The following SH3RF3 variants were observed in gnomAD, a reference collection of about 807,000 sequenced individuals.
SH3RF3 encodes the protein SH3 domain containing ring finger 3.
In SH3RF3, 29 loss-of-function variants were observed where a neutral mutation model predicts 66.3. The observed-to-expected ratio is 0.44, with a 90% CI of 0.33 to 0.60. The LOEUF is 0.60. SH3RF3 is among the 20% of genes least tolerant of loss of function. SH3RF3 has a pLI of 0.04. For missense variants in SH3RF3, 1,194 were observed against 1,190.9 expected (o/e 1.00, Z -0.04); for synonymous variants, 583 against 532.0 (o/e 1.10, Z -1.32).
At chr2:109,490,476 T>C in intron 8 of SH3RF3, 129 bp from the exon 9 acceptor site, 1 of 824,942 alleles carries the variant, frequency 1.2e-6, no homozygotes, top group Non-Finnish European at 1.7e-6. Flanking sequence ...AGTGGTAAAG[T>C]CTTTTGTCTG....
At chr2:109,240,823 C>T (rs115104135) in intron 1 of SH3RF3, among the ~76,000 whole-genome samples, 1,691 of 152,018 alleles carry the variant, frequency 0.011, 14 homozygotes, top group South Asian at 0.023. Context: ...GTTACTTCTT[C>T]CTACTGGACT....
chr2:109,306,172 C>A (rs1681592634), intron 1 of SH3RF3, among the ~76,000 whole-genome samples: 1 of 152,198 alleles, frequency 6.6e-6, no homozygotes, highest in Admixed American at 6.5e-5. Flanking sequence ...TAGAGAAAAT[C>A]CACTAAAATG....
chr2:109,146,052 G>A (rs1677088883), intron 1 of SH3RF3, among the ~76,000 whole-genome samples: 1 of 132,738 alleles, frequency 7.5e-6, no homozygotes, highest in African/African-American at 4.2e-5. Context: ...GCGGGCCGAG[G>A]GAGTCCATGC....
At chr2:109,266,843 C>A (rs1680508451) in intron 1 of SH3RF3, among the ~76,000 whole-genome samples, 1 of 152,128 alleles carries the variant, frequency 6.6e-6, no homozygotes. Context: ...AATCACCCTC[C>A]AAATATTCAG....
chr2:109,425,276 A>C (rs1422904875), intron 5 of SH3RF3, among the ~76,000 whole-genome samples: 1 of 152,236 alleles, frequency 6.6e-6, no homozygotes. Context: ...CTGCAACATA[A>C]AAGTACAAGG....
chr2:109,429,560 A>C (rs1320510877), intron 5 of SH3RF3, among the ~76,000 whole-genome samples: 1 of 152,094 alleles, frequency 6.6e-6, no homozygotes, highest in Non-Finnish European at 1.5e-5. Flanking sequence ...GTGAGGAGCC[A>C]ACATACCCCA....
At chr2:109,296,488 C>T (rs185157455) in intron 1 of SH3RF3, among the ~76,000 whole-genome samples, 156 of 152,168 alleles carry the variant, frequency 1.0e-3, no homozygotes, top group Non-Finnish European at 2.0e-3. Context: ...GTGATCCACC[C>T]GCTTCAGCCT....
intron 1 of SH3RF3, among the ~76,000 whole-genome samples, chr2:109,148,100 C>T (rs907630915): frequency 3.9e-5 from 6 of 152,218 alleles, no homozygotes; most frequent in African/African-American, 7.2e-5. Flanking sequence ...GGCTGCCAGC[C>T]GGGTCCTACA....
At chr2:109,306,347 C>T (rs1359777499) in intron 1 of SH3RF3, among the ~76,000 whole-genome samples, 1 of 152,220 alleles carries the variant, frequency 6.6e-6, no homozygotes. Context: ...TGCCTCCAAC[C>T]CCTGCGCATA....
At chr2:109,297,755 C>T (rs1346597872) in intron 1 of SH3RF3, among the ~76,000 whole-genome samples, 1 of 151,132 alleles carries the variant, frequency 6.6e-6, no homozygotes, top group African/African-American at 2.4e-5. Flanking sequence ...GTCCCTTATC[C>T]AGTCAGTGCC....
intron 7 of SH3RF3, among the ~76,000 whole-genome samples, chr2:109,439,547 A>C (rs1197281929): frequency 6.6e-6 from 1 of 152,198 alleles, no homozygotes; most frequent in Admixed American, 6.5e-5. Context: ...TCTCGAGCCA[A>C]AGTCAGGCAG....
At chr2:109,469,672 C>G (rs1678451082) in intron 8 of SH3RF3, among the ~76,000 whole-genome samples, 1 of 152,194 alleles carries the variant, frequency 6.6e-6, no homozygotes, top group African/African-American at 2.4e-5. Context: ...GACAAATCCA[C>G]AAGCTCCAGA....
chr2:109,229,103 G>T (rs190224485), intron 1 of SH3RF3, among the ~76,000 whole-genome samples: 77 of 152,136 alleles, frequency 5.1e-4, no homozygotes, highest in Non-Finnish European at 1.3e-4. Flanking sequence ...CCAAATATCA[G>T]AACAAAAGAT....
At chr2:109,469,285 C>T (rs1439990955) in intron 8 of SH3RF3, among the ~76,000 whole-genome samples, 1 of 152,242 alleles carries the variant, frequency 6.6e-6, no homozygotes, top group Admixed American at 6.5e-5. Flanking sequence ...GCCCTAAAGA[C>T]ACCACCTCAC....
intron 1 of SH3RF3, among the ~76,000 whole-genome samples, chr2:109,246,205 G>A (rs371376346): frequency 8.5e-5 from 13 of 152,318 alleles, no homozygotes; most frequent in Admixed American, 3.3e-4. Context: ...ACAAAATACC[G>A]TAAACGCAGT....
At chr2:109,339,123 G>C (rs1406545062) in intron 1 of SH3RF3, among the ~76,000 whole-genome samples, 1 of 152,152 alleles carries the variant, frequency 6.6e-6, no homozygotes, top group Non-Finnish European at 1.5e-5. Context: ...CAGGAGGAGG[G>C]GTTGGCTTTG....
intron 1 of SH3RF3, among the ~76,000 whole-genome samples, chr2:109,180,230 C>G (rs1678044669): frequency 6.6e-6 from 1 of 152,156 alleles, no homozygotes; most frequent in African/African-American, 2.4e-5. Flanking sequence ...GTATTCCCCA[C>G]TAGTCAGGGC....
chr2:109,337,354 G>C (rs889384063), intron 1 of SH3RF3, among the ~76,000 whole-genome samples: 6 of 152,236 alleles, frequency 3.9e-5, no homozygotes, highest in Non-Finnish European at 7.3e-5. Context: ...TTGTGGCCCT[G>C]CTCCCATCTG....
chr2:109,146,806 C>G (rs1244305839), intron 1 of SH3RF3, among the ~76,000 whole-genome samples: 1 of 119,992 alleles, frequency 8.3e-6, no homozygotes, highest in Non-Finnish European at 1.7e-5. Flanking sequence ...CCCATTCCTT[C>G]TGTTTTCCTC....
Sources: allele counts gnomAD v4.1 joint callset (sites outside exome capture counted in the v4.1 genomes callset), GRCh38; gene constraint gnomAD v4.1.1; transcripts MANE v1.5; gene names NCBI Gene and HGNC (gene_info 2026-07-23, HGNC 2026-07-21).